Variants in SNX9 observed in about 807,000 individuals in gnomAD.
SNX9 encodes the protein sorting nexin-9.
A neutral mutation model predicts 89.4 loss-of-function variants in SNX9; 44 were observed. That is an observed-to-expected ratio of 0.49 (90% CI 0.39 to 0.63). The LOEUF (loss-of-function observed/expected upper bound fraction) is 0.63, where lower values mean the gene tolerates loss of function less well. Among genes scored for constraint, SNX9 ranks in the 30% least tolerant of loss-of-function variants. The pLI, the probability that SNX9 is intolerant of heterozygous loss-of-function variation, is 0.00. For synonymous variants in SNX9, 236 were observed against 247.8 expected (o/e 0.95, Z 0.45); for missense variants, 578 against 736.1 (o/e 0.79, Z 2.49).
At chr6:157,832,544 G>A (rs1000497953) in intron 1 of SNX9, among the ~76,000 whole-genome samples, 2 of 152,172 alleles carry the variant, frequency 1.3e-5, no homozygotes, top group African/African-American at 4.8e-5. Context: ...AATACCCGAG[G>A]CTAGGTAATT....
chr6:157,896,556 G>C (rs1782981110), intron 4 of SNX9, among the ~76,000 whole-genome samples: 2 of 152,322 alleles, frequency 1.3e-5, no homozygotes, highest in South Asian at 4.2e-4. Context: ...GGCTGTAGCT[G>C]CATCTAATAG....
intron 4 of SNX9, among the ~76,000 whole-genome samples, chr6:157,890,181 A>G (rs566530878): frequency 5.3e-5 from 8 of 152,236 alleles, no homozygotes; most frequent in Admixed American, 5.2e-4. Flanking sequence ...GCCCCTTTTT[A>G]TCCCATATTG....
At chr6:157,921,406 A>G in intron 9 of SNX9, 125 bp from the exon 10 acceptor site, 1 of 933,638 alleles carries the variant, frequency 1.1e-6, no homozygotes, top group Non-Finnish European at 1.6e-6. Flanking sequence ...TCCATGGTTT[A>G]CCTTTTGCTA....
chr6:157,831,555 A>G (rs1781478963), intron 1 of SNX9, among the ~76,000 whole-genome samples: 1 of 152,198 alleles, frequency 6.6e-6, no homozygotes, highest in Non-Finnish European at 1.5e-5. Flanking sequence ...TTAATACAGG[A>G]CACTTTGTGT....
At position 157,909,984 on chromosome 6, in the gene SNX9, C is replaced by A; in HGVS notation, c.908C>A (p.Ser303Ter). 1 of 1,614,092 alleles carries A rather than the reference C, an allele frequency of 6.2e-7. No individual in the cohort carries two copies. The highest frequency in any genetic ancestry group is 1.1e-5 in the South Asian group (1 of 91,044). Residue 303 changes from serine to a stop codon, truncating the protein, a stop_gained, in exon 9 of 18, where the codon TCA becomes TAA. Transcript: ENST00000392185. LOFTEE classifies it high-confidence loss of function. ...GAGCGTCTCCTGGTTAAGTTTGGGT[C>A]AGCCATTCCAATCCCTTCTCTTCCA... ...LYERLLVKFGSAIPIPSLPDK... is the reference protein window; with the variant it reads ...LYERLLVKFG
intron 9 of SNX9, among the ~76,000 whole-genome samples, chr6:157,920,002 T>G (rs1258510624): frequency 1.3e-5 from 2 of 152,138 alleles, no homozygotes; most frequent in African/African-American, 4.8e-5. Context: ...CTTCCTAGAG[T>G]TTGCTCCTGT....
chr6:157,846,240 A>C (rs1343939207), intron 1 of SNX9, among the ~76,000 whole-genome samples: 3 of 152,210 alleles, frequency 2.0e-5, no homozygotes, highest in African/African-American at 7.2e-5. Context: ...TTAGCTCTTC[A>C]AATTTTATTT....
intron 1 of SNX9, among the ~76,000 whole-genome samples, chr6:157,847,290 A>G (rs982130054): frequency 6.6e-6 from 1 of 151,968 alleles, no homozygotes; most frequent in African/African-American, 2.4e-5. Flanking sequence ...TTTGGTAGAG[A>G]TGGGGTTTTG....
intron 13 of SNX9, among the ~76,000 whole-genome samples, chr6:157,932,866 C>CAAAAAAAAAA (rs10545432): frequency 2.6e-5 from 1 of 39,200 alleles, no homozygotes; most frequent in Non-Finnish European, 4.6e-5. Context: ...GACCCTGTCT[C>CAAAAAAAAAA]AAAAAAAAAA....
chr6:157,899,403 G>A (rs1291660850), intron 5 of SNX9, among the ~76,000 whole-genome samples: 4 of 152,218 alleles, frequency 2.6e-5, no homozygotes, highest in Admixed American at 2.0e-4. Flanking sequence ...CAGTGTCTAG[G>A]CCTCTAGAAG....
intron 9 of SNX9, among the ~76,000 whole-genome samples, chr6:157,915,911 A>C (rs1204400933): frequency 6.7e-6 from 1 of 149,638 alleles, no homozygotes; most frequent in African/African-American, 2.5e-5. Context: ...TTTTCTAGTT[A>C]TGTATTGCAT....
At chr6:157,916,438 A>T (rs1219125298) in intron 9 of SNX9, among the ~76,000 whole-genome samples, 1 of 152,142 alleles carries the variant, frequency 6.6e-6, no homozygotes, top group Non-Finnish European at 1.5e-5. Flanking sequence ...GCCTTATTGC[A>T]CTTGCTAGGA....
intron 12 of SNX9, among the ~76,000 whole-genome samples, chr6:157,931,333 A>G (rs1410063017): frequency 2.0e-5 from 3 of 152,234 alleles, no homozygotes; most frequent in Non-Finnish European, 4.4e-5. Flanking sequence ...CCTTACCTCA[A>G]ATGTCTCTGG....
At position 157,823,255 on chromosome 6, in the gene SNX9, C is replaced by G. The variant is rs1372206447; in HGVS notation, c.-180C>G. 11 of 324,628 alleles carry G rather than the reference C, an allele frequency of 3.4e-5. No individual in the cohort carries two copies. Among genetic ancestry groups the G allele is most frequent in the East Asian group, 1.4e-4 (2 of 14,796 alleles). 20.1% of individuals were successfully genotyped at this position (324,628 alleles called of 1,614,324 possible). The stretch of plus-strand genomic sequence containing the variant: ...CAGGAGCGTGCGGCGCGGGAGTAGC[C>G]GAGCGCCCAGCGGCTGGGCCTGAGC... On this transcript the variant is annotated 5_prime_UTR_variant, in exon 1 of 18. Coordinates refer to ENST00000392185, the MANE Select transcript of SNX9 (RefSeq NM_016224.5). This position sits in a 1 kb window ranked among gnomAD's most constrained non-coding sequence, Gnocchi z 4.6.
At chr6:157,942,637 C>T (rs779313675) in intron 17 of SNX9, among the ~76,000 whole-genome samples, 154 bp from the exon 18 acceptor site, 1 of 152,226 alleles carries the variant, frequency 6.6e-6, no homozygotes, top group Admixed American at 6.5e-5. Flanking sequence ...AAGGTCTGTC[C>T]AGCAGCAACG....
chr6:157,941,412 C>T (rs968677102), intron 17 of SNX9, among the ~76,000 whole-genome samples: 4 of 152,080 alleles, frequency 2.6e-5, no homozygotes, highest in South Asian at 2.1e-4. Context: ...TTTCACAGTG[C>T]GCCATGGAAA....
intron 1 of SNX9, among the ~76,000 whole-genome samples, chr6:157,824,146 G>T (rs1781297021): frequency 6.6e-6 from 1 of 152,368 alleles, no homozygotes; most frequent in East Asian, 1.9e-4. Flanking sequence ...TTACGTGGTG[G>T]AACTTTGACT....
chr6:157,835,431 TA>T (rs1411065054), intron 1 of SNX9, among the ~76,000 whole-genome samples: 2 of 145,766 alleles, frequency 1.4e-5, no homozygotes, highest in African/African-American at 5.3e-5. Flanking sequence ...TTTTTTTTTT[TA>T]AATAGAGTCT....
At chr6:157,925,270 A>ATCACTTCTTAAAGGCCCCACC in intron 10 of SNX9, among the ~76,000 whole-genome samples, 3 of 152,184 alleles carry the variant, frequency 2.0e-5, no homozygotes, top group African/African-American at 7.2e-5. Context: ...CTCATTAGCA[A>ATCACTTCTTAAAGGCCCCACC]TCAATAAATA....
Sources: allele counts gnomAD v4.1 joint callset (sites outside exome capture counted in the v4.1 genomes callset), GRCh38; gene constraint gnomAD v4.1.1; non-coding constraint Gnocchi (gnomAD v3.1); transcripts MANE v1.5; gene names NCBI Gene and HGNC (gene_info 2026-07-23, HGNC 2026-07-21).